The following FAM107B variants were observed in gnomAD, a reference collection of about 807,000 sequenced individuals.
FAM107B encodes protein FAM107B.
Under a neutral mutation model 31.5 loss-of-function variants are expected in FAM107B, and 21 were observed. The observed-to-expected ratio is 0.67, with a 90% CI of 0.47 to 0.96. The LOEUF is 0.96. Ranked by LOEUF, FAM107B falls within the 40% of genes least tolerant of loss-of-function variation. The pLI is 0.00. For missense variants in FAM107B, 452 were observed against 377.1 expected (o/e 1.20, Z -1.64); for synonymous variants, 157 against 141.5 (o/e 1.11, Z -0.78).
chr10:14,576,447 A>G (rs1310209614), intron 2 of FAM107B, among the ~76,000 whole-genome samples: 2 of 152,142 alleles, frequency 1.3e-5, no homozygotes, highest in Non-Finnish European at 2.9e-5. Context: ...GAATCATTTG[A>G]ACCCGGGAGG....
At position 14,670,690 on chromosome 10, in the gene FAM107B, T is replaced by C. The variant is rs185989286; in HGVS notation, c.412-2999A>G. On this transcript the variant is annotated intron_variant, in intron 1 of 4. Coordinates refer to ENST00000181796, the MANE Select transcript of FAM107B (RefSeq NM_031453.4). ...TTAGCTCTTCTCCAAACATATTTATTACTCCATCTTAAATAGCCCCTCCCT... is the reference window on the plus strand; with the variant it reads ...TTAGCTCTTCTCCAAACATATTTATCACTCCATCTTAAATAGCCCCTCCCT... 1.2e-3 allele frequency among the ~76,000 whole-genome samples: 182 copies of C among 152,332 alleles called. 2 individuals carry two copies. The highest frequency in any genetic ancestry group is 7.3e-3 in the Admixed American group (112 of 15,296).
At chr10:14,564,367 C>T (rs1478751435) in intron 2 of FAM107B, among the ~76,000 whole-genome samples, 2 of 151,886 alleles carry the variant, frequency 1.3e-5, no homozygotes, top group Non-Finnish European at 2.9e-5. Context: ...AATAATTAGG[C>T]CCCCAAATAC....
intron 2 of FAM107B, among the ~76,000 whole-genome samples, chr10:14,589,960 T>C (rs911778955): frequency 6.6e-6 from 1 of 152,142 alleles, no homozygotes. Flanking sequence ...CAGTCCTAAA[T>C]CACAGGGTTG....
chr10:14,672,378 G>A (rs1854581938), intron 1 of FAM107B, among the ~76,000 whole-genome samples: 1 of 152,174 alleles, frequency 6.6e-6, no homozygotes, highest in South Asian at 2.1e-4. Flanking sequence ...GTGAGCCACT[G>A]TGCCCGGCCC....
chr10:14,741,833 G>A (rs1470058210), intron 1 of FAM107B, among the ~76,000 whole-genome samples: 1 of 143,830 alleles, frequency 7.0e-6, no homozygotes, highest in Non-Finnish European at 1.5e-5. Flanking sequence ...CCATTCTCCT[G>A]CCTCAGCCTC....
chr10:14,681,846 A>G (rs911431411), intron 1 of FAM107B, among the ~76,000 whole-genome samples: 3 of 152,248 alleles, frequency 2.0e-5, no homozygotes, highest in Non-Finnish European at 4.4e-5. Flanking sequence ...AATCACAGCC[A>G]TAAGACTAGT....
chr10:14,733,535 T>C (rs1414770222), intron 1 of FAM107B, among the ~76,000 whole-genome samples: 1 of 152,134 alleles, frequency 6.6e-6, no homozygotes, highest in Non-Finnish European at 1.5e-5. Flanking sequence ...AACCAGGAAA[T>C]TATACTGTCA....
rs907587630 is a variant in FAM107B at position 14,520,166 on chromosome 10, C to T, written c.*1024G>A. ...TCAAAGCTTGGATTCTAATGATATG[C>T]ATTATCATTAGACATTCAAATGCTA... On this transcript the variant is annotated 3_prime_UTR_variant, in exon 5 of 5. Transcript: ENST00000181796. The T allele has an allele frequency of 2.6e-4, 39 of 152,454 alleles. No homozygotes were observed. The highest frequency in any genetic ancestry group is 2.6e-3 in the Admixed American group (39 of 15,284). 9.4% of individuals were successfully genotyped at this position (152,454 alleles called of 1,614,324 possible).
intron 2 of FAM107B, among the ~76,000 whole-genome samples, chr10:14,545,144 C>T (rs537947277): frequency 4.6e-5 from 7 of 152,180 alleles, no homozygotes; most frequent in African/African-American, 1.2e-4. Context: ...TAAGGCCCAG[C>T]GAGACTAGGT....
intron 2 of FAM107B, among the ~76,000 whole-genome samples, chr10:14,576,119 G>A (rs1025504218): frequency 1.3e-5 from 2 of 152,220 alleles, no homozygotes; most frequent in Admixed American, 6.5e-5. Flanking sequence ...TATGGTTACC[G>A]AGTTTTGGTT....
chr10:14,721,422 C>T (rs1450807515), intron 1 of FAM107B, among the ~76,000 whole-genome samples: 1 of 152,214 alleles, frequency 6.6e-6, no homozygotes, highest in Non-Finnish European at 1.5e-5. Flanking sequence ...AATAGCCACA[C>T]TGTCTTCCAC....
chr10:14,774,020 A>C (rs181967169), intron 1 of FAM107B, among the ~76,000 whole-genome samples: 33 of 152,314 alleles, frequency 2.2e-4, no homozygotes, highest in Non-Finnish European at 4.6e-4. Flanking sequence ...ATTCAAGGTT[A>C]CCTTCGGTCA....
intron 1 of FAM107B, among the ~76,000 whole-genome samples, chr10:14,671,470 C>T (rs575028530): frequency 3.9e-5 from 6 of 152,248 alleles, no homozygotes; most frequent in African/African-American, 1.4e-4. Context: ...GGGCCAGGCT[C>T]CTCCCTGATG....
intron 1 of FAM107B, among the ~76,000 whole-genome samples, chr10:14,722,829 T>A (rs1855944064): frequency 6.6e-6 from 1 of 152,210 alleles, no homozygotes; most frequent in Non-Finnish European, 1.5e-5. Flanking sequence ...TAAATTCCAA[T>A]TCATCTATTT....
At chr10:14,548,740 T>C in intron 2 of FAM107B, 2 of 813,850 alleles carry the variant, frequency 2.5e-6, no homozygotes, top group African/African-American at 1.9e-5. Context: ...GCCAGAAAAA[T>C]GCAAATTGGC....
chr10:14,682,673 T>C (rs574829696), intron 1 of FAM107B, among the ~76,000 whole-genome samples: 1 of 152,192 alleles, frequency 6.6e-6, no homozygotes, highest in Admixed American at 6.5e-5. Flanking sequence ...TTCTCACTTA[T>C]AAGTGGGAGT....
intron 1 of FAM107B, among the ~76,000 whole-genome samples, chr10:14,764,175 A>C (rs1371504752): frequency 6.6e-6 from 1 of 152,270 alleles, no homozygotes; most frequent in Non-Finnish European, 1.5e-5. Context: ...TTTATATCAA[A>C]AATTCCTTAA....
intron 2 of FAM107B, among the ~76,000 whole-genome samples, chr10:14,559,617 TG>T (rs1196962628): frequency 6.6e-6 from 1 of 151,474 alleles, no homozygotes. Context: ...TCACCCAGGC[TG>T]GAGTGCAGTG....
intron 1 of FAM107B, among the ~76,000 whole-genome samples, chr10:14,729,951 C>T (rs1392791111): frequency 3.3e-5 from 5 of 152,126 alleles, no homozygotes; most frequent in African/African-American, 1.2e-4. Flanking sequence ...GAAAACCAAA[C>T]ACCACATGTT....
Sources: allele counts gnomAD v4.1 joint callset (sites outside exome capture counted in the v4.1 genomes callset), GRCh38; gene constraint gnomAD v4.1.1; transcripts MANE v1.5; gene names NCBI Gene and HGNC (gene_info 2026-07-23, HGNC 2026-07-21).